TSHZ2: variants seen among roughly 807,000 people sequenced by gnomAD.
TSHZ2 encodes teashirt zinc finger homeobox 2.
In TSHZ2, 21 loss-of-function variants were observed where a neutral mutation model predicts 74.4. The observed-to-expected ratio is 0.28, with a 90% CI of 0.20 to 0.41. The LOEUF (loss-of-function observed/expected upper bound fraction) is 0.41, where lower values mean the gene tolerates loss of function less well. TSHZ2 is among the 10% of genes least tolerant of loss of function. The probability of loss-of-function intolerance (pLI) is 1.00; values close to 1 mark genes in which losing one functional copy is unlikely to be tolerated. For synonymous variants in TSHZ2, 540 were observed against 515.3 expected (o/e 1.05, Z -0.65); for missense variants, 1,244 against 1,293.5 (o/e 0.96, Z 0.59).
chr20:52,978,942 C>T (rs1396382520), intron 1 of TSHZ2, among the ~76,000 whole-genome samples: 3 of 152,078 alleles, frequency 2.0e-5, no homozygotes, highest in Middle Eastern at 3.4e-3. Flanking sequence ...TAATTTGTAA[C>T]AATTGGTATT....
chr20:53,140,692 C>T (rs555410603), intron 1 of TSHZ2, among the ~76,000 whole-genome samples: 3 of 152,318 alleles, frequency 2.0e-5, no homozygotes, highest in African/African-American at 7.2e-5. Flanking sequence ...TGTATTATCT[C>T]ATGACCCAAA....
chr20:53,352,972 A>G (rs997797717), intron 2 of TSHZ2, among the ~76,000 whole-genome samples: 1 of 152,028 alleles, frequency 6.6e-6, no homozygotes, highest in African/African-American at 2.4e-5. Flanking sequence ...ATATTTGCTT[A>G]ATTTTTGCCC....
At chr20:53,377,130 T>C (rs1385818958) in intron 2 of TSHZ2, among the ~76,000 whole-genome samples, 4 of 152,356 alleles carry the variant, frequency 2.6e-5, no homozygotes, top group African/African-American at 9.6e-5. Flanking sequence ...ATGTATAGTT[T>C]GAACAAGACT....
chr20:53,447,380 T>A (rs1984595177), intron 2 of TSHZ2, among the ~76,000 whole-genome samples: 1 of 152,240 alleles, frequency 6.6e-6, no homozygotes, highest in Non-Finnish European at 1.5e-5. Flanking sequence ...TTTACACCTT[T>A]TATTTTGAAA....
chr20:53,400,551 G>A (rs796842372), intron 2 of TSHZ2: 6 of 152,288 alleles, frequency 3.9e-5, no homozygotes, highest in African/African-American at 9.6e-5. Flanking sequence ...CCCATAAGGC[G>A]AAGTTACTCT....
chr20:53,275,640 C>T (rs1990929663), intron 2 of TSHZ2, among the ~76,000 whole-genome samples: 1 of 152,150 alleles, frequency 6.6e-6, no homozygotes. Context: ...AACTGTTCAG[C>T]ATGTTGCCTG....
At chr20:53,098,065 C>G (rs556967649) in intron 1 of TSHZ2, 2 of 152,300 alleles carry the variant, frequency 1.3e-5, no homozygotes, top group Admixed American at 1.3e-4. Flanking sequence ...CAGTGAGAAG[C>G]TAAGTCTGAT....
At chr20:53,041,344 C>T (rs1984033894) in intron 1 of TSHZ2, among the ~76,000 whole-genome samples, 1 of 152,214 alleles carries the variant, frequency 6.6e-6, no homozygotes, top group South Asian at 2.1e-4. Flanking sequence ...CAGATTACAT[C>T]CTAATATCTC....
At chr20:53,179,279 C>T (rs766784263) in intron 1 of TSHZ2, 4 of 152,120 alleles carry the variant, frequency 2.6e-5, no homozygotes, top group Non-Finnish European at 4.4e-5. Flanking sequence ...CACTGCCAAC[C>T]TCAATTATAA....
chr20:53,313,345 T>A (rs1978868245), intron 2 of TSHZ2, among the ~76,000 whole-genome samples: 1 of 152,238 alleles, frequency 6.6e-6, no homozygotes, highest in Non-Finnish European at 1.5e-5. Context: ...CTTCCCTACC[T>A]CCTTAAATAG....
chr20:53,154,419 T>A (rs534633573), intron 1 of TSHZ2, among the ~76,000 whole-genome samples: 7 of 152,172 alleles, frequency 4.6e-5, no homozygotes, highest in Non-Finnish European at 8.8e-5. Flanking sequence ...AATAATAAAA[T>A]TAGGTCTCCC....
chr20:53,181,682 A>AT (rs1211360565), intron 1 of TSHZ2, among the ~76,000 whole-genome samples: 1 of 152,082 alleles, frequency 6.6e-6, no homozygotes, highest in East Asian at 1.9e-4. Context: ...AGGTCAGGAG[A>AT]TTGAGACCAT....
intron 1 of TSHZ2, among the ~76,000 whole-genome samples, chr20:53,018,413 A>G (rs943784164): frequency 6.6e-6 from 1 of 152,316 alleles, no homozygotes; most frequent in Non-Finnish European, 1.5e-5. Flanking sequence ...CTCCACTGCT[A>G]GTCCTGGAAA....
At chr20:53,095,789 A>C (rs541445324) in intron 1 of TSHZ2, among the ~76,000 whole-genome samples, 1 of 152,162 alleles carries the variant, frequency 6.6e-6, no homozygotes, top group Non-Finnish European at 1.5e-5. Context: ...TCTGACTACC[A>C]AAAATGTCCT....
intron 1 of TSHZ2, among the ~76,000 whole-genome samples, chr20:53,125,940 T>A (rs953291675): frequency 5.3e-5 from 8 of 152,250 alleles, no homozygotes; most frequent in African/African-American, 1.9e-4. Flanking sequence ...ACAAGTCCCA[T>A]GACTTAGTGG....
chr20:53,364,056 G>A (rs948303124), intron 2 of TSHZ2, among the ~76,000 whole-genome samples: 1 of 152,218 alleles, frequency 6.6e-6, no homozygotes, highest in East Asian at 1.9e-4. Context: ...AGAAACAGGA[G>A]AGGGGAAGAA....
chr20:52,981,854 G>C lies in TSHZ2; in HGVS notation c.40+8521G>C, dbSNP rs576689637. Among the ~76,000 whole-genome samples, 2 of 152,170 alleles carry C rather than the reference G, an allele frequency of 1.3e-5. 1 individual carries two copies. Among genetic ancestry groups the C allele is most frequent in the South Asian group, 4.1e-4 (2 of 4,824 alleles). ...GTGCTTTATATGTTTACATTTATTC[G>C]TTTACACGGCAGTTATTTCTTGAGT... On this transcript the variant is annotated intron_variant, in intron 1 of 2. Transcript: ENST00000371497.
At chr20:53,389,905 C>G (rs751657817) in intron 2 of TSHZ2, among the ~76,000 whole-genome samples, 1 of 152,152 alleles carries the variant, frequency 6.6e-6, no homozygotes, top group South Asian at 2.1e-4. Flanking sequence ...GTTGAAAAAG[C>G]CTTTTCGTCT....
Position 53,388,481 on chromosome 20 carries a change from AG to A in TSHZ2, c.*9-98661del, listed in dbSNP as rs1468343151. 3.3e-5 allele frequency among the ~76,000 whole-genome samples: 5 copies of A among 152,378 alleles called. No individual in the cohort carries two copies. The East Asian group carries it at 9.6e-4, about 29-fold the overall frequency. ...ATCTACTGTGATGATACAACACTGA[AG>A]GTGGGTGAAACCCACAGTCGAGAGC... On this transcript the variant is annotated intron_variant, in intron 2 of 2. Coordinates refer to ENST00000371497, the MANE Select transcript of TSHZ2 (RefSeq NM_173485.6).
Sources: gnomAD v4.1 joint callset for allele counts (sites outside exome capture counted in the v4.1 genomes callset) on GRCh38, gnomAD v4.1.1 for gene constraint, MANE v1.5 for transcripts, NCBI Gene and HGNC (gene_info 2026-07-23, HGNC 2026-07-21) for gene names.